Variants in C7orf78 observed in about 807,000 individuals in gnomAD.
C7orf78 encodes putative uncharacterized protein C7orf78.
the C7orf78 span, among the ~76,000 whole-genome samples, chr7:12,520,912 T>C: frequency 8.5e-5 from 13 of 152,234 alleles, no homozygotes; most frequent in African/African-American, 3.1e-4. Context: ...TGGATGCACA[T>C]ATATTTGCTA....
the C7orf78 span, among the ~76,000 whole-genome samples, chr7:12,534,872 T>C: frequency 3.9e-5 from 6 of 151,918 alleles, no homozygotes; most frequent in Admixed American, 2.6e-4. Context: ...GAGATTTACT[T>C]GAGCCCAGAA....
chr7:12,537,780 T>C, the C7orf78 span, among the ~76,000 whole-genome samples: 1 of 152,202 alleles, frequency 6.6e-6, no homozygotes, highest in Non-Finnish European at 1.5e-5. Flanking sequence ...ATTTATGGTA[T>C]ATTTACACAA....
the C7orf78 span, among the ~76,000 whole-genome samples, chr7:12,493,024 A>C: frequency 1.3e-5 from 2 of 152,090 alleles, no homozygotes; most frequent in Non-Finnish European, 2.9e-5. Context: ...GTCACATGGC[A>C]AAAAACCATC....
the C7orf78 span, among the ~76,000 whole-genome samples, chr7:12,489,813 G>A: frequency 0.22 from 33,761 of 151,894 alleles, 4,703 homozygotes; most frequent in East Asian, 0.51. Context: ...TTGGACAGCA[G>A]TGATGTGTAG....
At chr7:12,513,341 G>T in the C7orf78 span, among the ~76,000 whole-genome samples, 18 of 150,974 alleles carry the variant, frequency 1.2e-4, no homozygotes, top group Non-Finnish European at 2.2e-4. Flanking sequence ...TGTTTTTTTG[G>T]TTGTCGTTGC....
the C7orf78 span, among the ~76,000 whole-genome samples, chr7:12,500,243 A>G: frequency 1.3e-5 from 2 of 152,116 alleles, no homozygotes; most frequent in Non-Finnish European, 2.9e-5. Context: ...GCAGAACTGA[A>G]GGAAATAGAG....
the C7orf78 span, among the ~76,000 whole-genome samples, chr7:12,509,944 G>C: frequency 6.7e-6 from 1 of 150,222 alleles, no homozygotes; most frequent in Non-Finnish European, 1.5e-5. Flanking sequence ...TGAGGCATGA[G>C]AATCACTTGA....
At chr7:12,494,979 A>T in the C7orf78 span, among the ~76,000 whole-genome samples, 1 of 152,314 alleles carries the variant, frequency 6.6e-6, no homozygotes, top group East Asian at 1.9e-4. Context: ...AAACTCAGTA[A>T]AGATGGTGCC....
At chr7:12,509,301 C>T in the C7orf78 span, among the ~76,000 whole-genome samples, 2 of 152,202 alleles carry the variant, frequency 1.3e-5, no homozygotes, top group Non-Finnish European at 2.9e-5. Context: ...CTTTTCTCTA[C>T]AGATTAGAAT....
At chr7:12,521,344 G>A in the C7orf78 span, among the ~76,000 whole-genome samples, 33 of 151,752 alleles carry the variant, frequency 2.2e-4, no homozygotes, top group African/African-American at 8.0e-4. Context: ...TTTCTGTAGT[G>A]ATAAACTTTG....
chr7:12,512,236 T>C, the C7orf78 span, among the ~76,000 whole-genome samples: 1 of 152,144 alleles, frequency 6.6e-6, no homozygotes. Flanking sequence ...TGAATCATAG[T>C]GGTGAAAGTG....
the C7orf78 span, among the ~76,000 whole-genome samples, chr7:12,497,855 CA>C: frequency 6.6e-6 from 1 of 151,112 alleles, no homozygotes. Context: ...TTGAAGAGAG[CA>C]GTGGTTCTCC....
chr7:12,505,263 G>A, the C7orf78 span, among the ~76,000 whole-genome samples: 1 of 152,018 alleles, frequency 6.6e-6, no homozygotes, highest in African/African-American at 2.4e-5. Context: ...TATAAAATTT[G>A]CATTTTTGTA....
chr7:12,512,451 C>T, the C7orf78 span, among the ~76,000 whole-genome samples: 1 of 152,072 alleles, frequency 6.6e-6, no homozygotes, highest in Non-Finnish European at 1.5e-5. Context: ...ATGATCAAAT[C>T]AATTTTGTCC....
chr7:12,531,028 C>T, the C7orf78 span: 11 of 398,218 alleles, frequency 2.8e-5, no homozygotes, highest in Admixed American at 4.4e-5. Context: ...TAGAAGGCAG[C>T]GTGATGCATA....
At chr7:12,493,183 A>G in the C7orf78 span, among the ~76,000 whole-genome samples, 1 of 152,224 alleles carries the variant, frequency 6.6e-6, no homozygotes, top group Non-Finnish European at 1.5e-5. Context: ...GCGGCAGAGC[A>G]AGACCCTGTC....
the C7orf78 span, chr7:12,525,974 T>C: frequency 7.6e-6 from 3 of 393,552 alleles, no homozygotes; most frequent in East Asian, 3.6e-5. Flanking sequence ...AGTAAATTCA[T>C]AGGCTTAAAA....
chr7:12,536,318 G>A, the C7orf78 span, among the ~76,000 whole-genome samples: 2 of 152,184 alleles, frequency 1.3e-5, no homozygotes, highest in African/African-American at 2.4e-5. Context: ...GCCAAGGCTT[G>A]AGACTTGCAC....
At chr7:12,520,592 T>G in the C7orf78 span, among the ~76,000 whole-genome samples, 10 of 152,344 alleles carry the variant, frequency 6.6e-5, no homozygotes, top group South Asian at 6.2e-4. Flanking sequence ...GAAAAGATAC[T>G]TTCTATGTTT....
Sources: allele counts gnomAD v4.1 joint callset (sites outside exome capture counted in the v4.1 genomes callset), GRCh38; gene constraint gnomAD v4.1.1; transcripts MANE v1.5; gene names NCBI Gene and HGNC (gene_info 2026-07-23, HGNC 2026-07-21).